Variants in MYO16 observed in about 807,000 individuals in gnomAD.
The protein encoded by MYO16 is unconventional myosin-XVI.
A neutral mutation model predicts 205.3 loss-of-function variants in MYO16; 94 were observed. The ratio of observed to expected loss-of-function variants is 0.46; its 90% CI spans 0.39 to 0.54. The LOEUF is 0.54. MYO16 is among the 20% of genes least tolerant of loss of function. The pLI is 0.00. For missense variants in MYO16, 2,315 were observed against 2,387.5 expected, an observed-to-expected ratio of 0.97 and a Z score of 0.63; for synonymous variants, 988 against 954.0, an observed-to-expected ratio of 1.04 and a Z score of -0.66.
chr13:109,009,216 A>G (rs1177895979), intron 22 of MYO16, among the ~76,000 whole-genome samples, 167 bp downstream of exon 22: 1 of 152,212 alleles, frequency 6.6e-6, no homozygotes, highest in Non-Finnish European at 1.5e-5. Context: ...TTTTTATGAA[A>G]GGACATTTGA....
At chr13:108,603,404 C>T (rs1391668306) in intron 1 of MYO16, among the ~76,000 whole-genome samples, 1 of 152,142 alleles carries the variant, frequency 6.6e-6, no homozygotes, top group Non-Finnish European at 1.5e-5. Context: ...GGGAAAAATT[C>T]ATGGACTTAA....
chr13:108,610,759 G>C (rs2139317433), intron 1 of MYO16, among the ~76,000 whole-genome samples: 1 of 152,314 alleles, frequency 6.6e-6, no homozygotes, highest in East Asian at 1.9e-4. Flanking sequence ...ACAAGGAAGA[G>C]GTGACCTTGA....
At chr13:108,535,434 C>T in the MYO16 span, among the ~76,000 whole-genome samples, 22 of 152,186 alleles carry the variant, frequency 1.4e-4, no homozygotes, top group Non-Finnish European at 2.9e-5. Context: ...CTGGTGGCTT[C>T]CCATAGTTCA....
At chr13:108,874,957 G>A (rs1359252773) in intron 12 of MYO16, among the ~76,000 whole-genome samples, 4 of 152,212 alleles carry the variant, frequency 2.6e-5, no homozygotes, top group African/African-American at 9.6e-5. Flanking sequence ...CTCAGTGGCT[G>A]TCTCATAAGC....
At chr13:108,909,131 T>A (rs947358268) in intron 15 of MYO16, among the ~76,000 whole-genome samples, 27 of 152,150 alleles carry the variant, frequency 1.8e-4, no homozygotes, top group African/African-American at 6.0e-4. Flanking sequence ...CAGTCATAAT[T>A]TTGACCAACG....
chr13:108,530,933 G>T, the MYO16 span, among the ~76,000 whole-genome samples: 15 of 151,464 alleles, frequency 9.9e-5, no homozygotes, highest in East Asian at 1.9e-4. Flanking sequence ...TTTGTTTATG[G>T]TTTTTTTTCA....
At chr13:108,683,887 T>C (rs1335511089) in intron 2 of MYO16, among the ~76,000 whole-genome samples, 1 of 152,064 alleles carries the variant, frequency 6.6e-6, no homozygotes, top group Non-Finnish European at 1.5e-5. Context: ...TTGCCTTCTT[T>C]TCGTTTTTAG....
At chr13:108,625,721 T>G (rs1879710134), upstream of MYO16, among the ~76,000 whole-genome samples, 1 of 152,240 alleles carries the variant, frequency 6.6e-6, no homozygotes, top group Non-Finnish European at 1.5e-5. Context: ...ATCACAGAGC[T>G]TAAATTTGCA....
chr13:108,717,806 T>G (rs1330936664), intron 3 of MYO16, among the ~76,000 whole-genome samples: 1 of 152,058 alleles, frequency 6.6e-6, no homozygotes, highest in African/African-American at 2.4e-5. Flanking sequence ...GATAAGAAAT[T>G]TTCAACAGTG....
At chr13:109,060,906 G>A (rs1887572422) in intron 27 of MYO16, among the ~76,000 whole-genome samples, 1 of 152,104 alleles carries the variant, frequency 6.6e-6, no homozygotes, top group South Asian at 2.1e-4. Flanking sequence ...CCAATCAAAG[G>A]CTATTTCACC....
intron 27 of MYO16, among the ~76,000 whole-genome samples, chr13:109,091,390 G>A (rs1888618229): frequency 6.6e-6 from 1 of 152,144 alleles, no homozygotes; most frequent in African/African-American, 2.4e-5. Flanking sequence ...GTTTTCCCTT[G>A]CCTCTGAAAA....
the MYO16 span, among the ~76,000 whole-genome samples, chr13:108,547,432 C>T: frequency 7.2e-5 from 11 of 152,054 alleles, no homozygotes; most frequent in Non-Finnish European, 1.0e-4. Context: ...CCTGGTGTCT[C>T]GAGTGTGAAC....
chr13:108,586,198 A>G, the MYO16 span, among the ~76,000 whole-genome samples: 6 of 152,158 alleles, frequency 3.9e-5, no homozygotes, highest in Non-Finnish European at 5.9e-5. Flanking sequence ...CATTAGAAAA[A>G]CATACTAACT....
intron 27 of MYO16, among the ~76,000 whole-genome samples, chr13:109,075,777 G>A (rs1888078968): frequency 6.6e-6 from 1 of 152,082 alleles, no homozygotes; most frequent in African/African-American, 2.4e-5. Context: ...GCTTTTTCGA[G>A]TTCTTTATAT....
rs143200097 is a variant in MYO16, at chr13:109,008,959, C to T, written c.2505C>T (p.His835=). ...HHYINEVLFL[H]EQVECVQEGV... ...ATATCAATGAAGTGCTTTTTCTCCA[C>T]GAGCAAGTGGAATGTGTACAAGAGG... The change falls in exon 22 of 35, where the codon CAC becomes CAT. Residue 835 remains histidine, a synonymous_variant. Transcript: ENST00000457511. The T allele has an allele frequency of 4.9e-4, 798 of 1,612,834 alleles. 2 individuals carry two copies. Among genetic ancestry groups the T allele is most frequent in the South Asian group, 6.3e-4 (57 of 90,822 alleles).
At chr13:109,062,585 C>G (rs145536492) in intron 27 of MYO16, among the ~76,000 whole-genome samples, 1 of 152,078 alleles carries the variant, frequency 6.6e-6, no homozygotes, top group East Asian at 1.9e-4. Context: ...TAGAGGAAAT[C>G]TGCCCCTATC....
At position 109,182,287 on chromosome 13, in the gene MYO16, G is replaced by A. The variant is rs539755195; in HGVS notation, c.5415+2654G>A. On this transcript the variant is annotated intron_variant, in intron 34 of 34. Coordinates refer to ENST00000457511, the MANE Select transcript of MYO16 (RefSeq NM_001198950.3). ...CTCTTCCTCCCCTGCTTTGACAGCT[G>A]GACAAACACATGTAAGATGGGCTCA... Among the ~76,000 whole-genome samples, 10 of 152,224 alleles carry A rather than the reference G, an allele frequency of 6.6e-5. 1 individual carries two copies. The South Asian group carries it at 1.5e-3, about 22-fold the overall frequency.
At chr13:109,011,554 A>G (rs936397392) in intron 22 of MYO16, among the ~76,000 whole-genome samples, 12 of 134,774 alleles carry the variant, frequency 8.9e-5, no homozygotes, top group African/African-American at 3.4e-4. Flanking sequence ...TCGCTCTGTC[A>G]CCCAGGTTGG....
chr13:108,876,002 A>C (rs997813349), intron 12 of MYO16, among the ~76,000 whole-genome samples: 6 of 152,200 alleles, frequency 3.9e-5, no homozygotes, highest in Non-Finnish European at 7.3e-5. Flanking sequence ...TAGAGAGTTG[A>C]AAAACATTTT....
Sources: gnomAD v4.1 joint callset for allele counts (sites outside exome capture counted in the v4.1 genomes callset) on GRCh38, gnomAD v4.1.1 for gene constraint, MANE v1.5 for transcripts, NCBI Gene and HGNC (gene_info 2026-07-23, HGNC 2026-07-21) for gene names.